NLRP14: variants seen among roughly 807,000 people sequenced by gnomAD.
NLRP14 encodes the protein NACHT, LRR and PYD domains-containing protein 14.
In NLRP14, 105 loss-of-function variants were observed where a neutral mutation model predicts 94.7. That is an observed-to-expected ratio of 1.11 (90% CI 0.95 to 1.30). The LOEUF (loss-of-function observed/expected upper bound fraction) is 1.30. Ranked by LOEUF, NLRP14 falls within the 50% of genes most tolerant of loss-of-function variation. The pLI, the probability that NLRP14 is intolerant of heterozygous loss-of-function variation, is 0.00. For missense variants in NLRP14, 1,362 were observed against 1,254.1 expected (o/e 1.09, Z -1.30); for synonymous variants, 508 against 459.9 (o/e 1.10, Z -1.34).
intron 6 of NLRP14, among the ~76,000 whole-genome samples, chr11:7,055,022 G>A (rs969524339): frequency 6.6e-6 from 1 of 152,096 alleles, no homozygotes; most frequent in East Asian, 1.9e-4. Context: ...TTTTACATAT[G>A]AATATCCAGT....
intron 10 of NLRP14, among the ~76,000 whole-genome samples, chr11:7,064,119 T>C (rs1460132981): frequency 2.0e-5 from 3 of 152,148 alleles, no homozygotes; most frequent in Admixed American, 6.6e-5. Flanking sequence ...CTGGTAGTTG[T>C]AGCTTCCTCA....
At chr11:7,089,776 G>T in the NLRP14 span, 1 of 1,587,928 alleles carries the variant, frequency 6.3e-7, no homozygotes, top group African/African-American at 1.3e-5. Flanking sequence ...TCCAGAGACG[G>T]CTACTCGAGC....
chr11:7,024,716 TAAG>T (rs1176720444), intron 1 of NLRP14, among the ~76,000 whole-genome samples: 1 of 152,142 alleles, frequency 6.6e-6, no homozygotes, highest in East Asian at 1.9e-4. Context: ...ATATCTCTAA[TAAG>T]CTTAGAACAT....
intron 1 of NLRP14, among the ~76,000 whole-genome samples, chr11:7,036,597 T>C (rs1852165957): frequency 6.6e-6 from 1 of 152,192 alleles, no homozygotes; most frequent in Non-Finnish European, 1.5e-5. Flanking sequence ...TTTTTAATCC[T>C]TGCAGAGGTA....
At chr11:7,081,261 G>C in the NLRP14 span, among the ~76,000 whole-genome samples, 1 of 152,106 alleles carries the variant, frequency 6.6e-6, no homozygotes, top group Non-Finnish European at 1.5e-5. Flanking sequence ...TGCTCTGTCA[G>C]ATAGGAGAAA....
chr11:7,060,186 C>T, intron 9 of NLRP14, 122 bp downstream of exon 9: 1 of 896,414 alleles, frequency 1.1e-6, no homozygotes, highest in South Asian at 1.3e-5. Flanking sequence ...GATTTTCCCT[C>T]TCTCTTCTGC....
rs1852354720 is a variant in NLRP14, at chr11:7,046,651, C to G, written c.1959-17C>G. 2 of 1,609,396 alleles carry G rather than the reference C, an allele frequency of 1.2e-6. No individual in the cohort carries two copies. Among genetic ancestry groups the G allele is most frequent in the Admixed American group, 1.7e-5 (1 of 59,984 alleles). On this transcript the variant is annotated splice_polypyrimidine_tract_variant and intron_variant, in intron 4 of 11. Coordinates refer to ENST00000299481, the MANE Select transcript of NLRP14 (RefSeq NM_176822.4). Reference sequence around the variant, plus strand: ...AAAATCAGCATTGTTTTTCTTTTCTCAATTATTTATGCAAAGGGATGGTGA... The same window carrying G: ...AAAATCAGCATTGTTTTTCTTTTCTGAATTATTTATGCAAAGGGATGGTGA...
At chr11:7,046,102 G>C (rs1221603599) in intron 4 of NLRP14, among the ~76,000 whole-genome samples, 1 of 152,192 alleles carries the variant, frequency 6.6e-6, no homozygotes, top group African/African-American at 2.4e-5. Flanking sequence ...AAAGTTTACA[G>C]TGTGCTTTTG....
chr11:7,088,253 C>A, the NLRP14 span, among the ~76,000 whole-genome samples: 2 of 152,070 alleles, frequency 1.3e-5, no homozygotes, highest in Non-Finnish European at 2.9e-5. Flanking sequence ...TAAAAAATAA[C>A]CAACAGGCAC....
intron 5 of NLRP14, among the ~76,000 whole-genome samples, chr11:7,048,836 A>G (rs1296930844): frequency 6.6e-6 from 1 of 152,178 alleles, no homozygotes; most frequent in East Asian, 1.9e-4. Flanking sequence ...GACTGTTCTC[A>G]GTCTGTGCCA....
At chr11:7,030,554 T>G (rs564594914) in intron 1 of NLRP14, among the ~76,000 whole-genome samples, 77 of 148,780 alleles carry the variant, frequency 5.2e-4, no homozygotes, top group Admixed American at 4.7e-3. Context: ...CTTGCCCCAC[T>G]CTGATTTTCT....
At chr11:7,046,024 T>G (rs1852343800) in intron 4 of NLRP14, among the ~76,000 whole-genome samples, 1 of 152,140 alleles carries the variant, frequency 6.6e-6, no homozygotes, top group Non-Finnish European at 1.5e-5. Flanking sequence ...TTGTCCCCTG[T>G]TTTATTACCC....
the NLRP14 span, chr11:7,089,015 G>C: frequency 7.4e-7 from 1 of 1,356,252 alleles, no homozygotes; most frequent in Non-Finnish European, 1.0e-6. Context: ...GCGACTAGGC[G>C]CCGCCTGACC....
At chr11:7,050,189 C>T (rs1311921332) in intron 6 of NLRP14, among the ~76,000 whole-genome samples, 1 of 152,160 alleles carries the variant, frequency 6.6e-6, no homozygotes, top group Non-Finnish European at 1.5e-5. Flanking sequence ...GAAAATAATA[C>T]AGTGGGGGAT....
intron 10 of NLRP14, among the ~76,000 whole-genome samples, chr11:7,065,450 C>T (rs143167133): frequency 1.3e-5 from 2 of 152,106 alleles, no homozygotes; most frequent in African/African-American, 4.8e-5. Flanking sequence ...TTTGTAGATA[C>T]TTTTGTATTT....
At chr11:7,070,561 G>T in intron 11 of NLRP14, 105 bp downstream of exon 11, 1 of 762,710 alleles carries the variant, frequency 1.3e-6, no homozygotes, top group East Asian at 2.5e-5. Context: ...TGTATCATTG[G>T]GTATTTTCTA....
chr11:7,041,632 T>C (rs1258794332), intron 3 of NLRP14, among the ~76,000 whole-genome samples: 3 of 152,202 alleles, frequency 2.0e-5, no homozygotes, highest in East Asian at 1.9e-4. Flanking sequence ...ACACTGACCA[T>C]GCAATGATGA....
chr11:7,076,353 T>G (rs866767153), downstream of NLRP14, among the ~76,000 whole-genome samples: 2 of 152,176 alleles, frequency 1.3e-5, no homozygotes, highest in African/African-American at 4.8e-5. Context: ...TTTTTATTCT[T>G]TATGTTTTAT....
At chr11:7,060,458 G>T (rs1852599610) in intron 9 of NLRP14, among the ~76,000 whole-genome samples, 1 of 151,408 alleles carries the variant, frequency 6.6e-6, no homozygotes, top group African/African-American at 2.4e-5. Context: ...CAAAGAAATT[G>T]GGAAGGAGAT....
Sources: gnomAD v4.1 joint callset for allele counts (sites outside exome capture counted in the v4.1 genomes callset) on GRCh38, gnomAD v4.1.1 for gene constraint, MANE v1.5 for transcripts, NCBI Gene and HGNC (gene_info 2026-07-23, HGNC 2026-07-21) for gene names.